Variants in DUSP18 observed in about 807,000 individuals in gnomAD.
The protein encoded by DUSP18 is dual specificity phosphatase 18, also known as dual specificity protein phosphatase 18.
DUSP18 carries 4 observed loss-of-function variants against 6.3 expected under a neutral mutation model. The observed-to-expected ratio is 0.63, with a 90% CI of 0.31 to 1.45. The LOEUF is 1.45. Among genes scored for constraint, DUSP18 ranks in the 40% most tolerant of loss-of-function variants. The pLI is 0.07. For missense variants in DUSP18, 235 were observed against 247.7 expected (o/e 0.95, Z 0.34); for synonymous variants, 96 against 95.1 (o/e 1.01, Z -0.05).
chr22:30,662,636 G>C lies in DUSP18; in HGVS notation c.*801C>G, dbSNP rs1005805888. 1 of 152,048 alleles carries C rather than the reference G, an allele frequency of 6.6e-6. No individual in the cohort carries two copies. Among genetic ancestry groups the C allele is most frequent in the Admixed American group, 6.6e-5 (1 of 15,258 alleles). The allele number at this position is 152,048 out of a possible 1,614,324, so 9.4% of individuals were successfully genotyped here. A position where few individuals can be genotyped will look rare whatever the true frequency, so the allele number is the denominator to read the frequency against. On this transcript the variant is annotated 3_prime_UTR_variant, in exon 2 of 2. Coordinates refer to ENST00000334679, the MANE Select transcript of DUSP18 (RefSeq NM_152511.5). Reference sequence around the variant, plus strand: ...GAGGCCAGGAGTTTGAGACCAGTCTGGGCGACATAGTAAAATCTCATCTCT... The same window carrying C: ...GAGGCCAGGAGTTTGAGACCAGTCTCGGCGACATAGTAAAATCTCATCTCT...
downstream of DUSP18, among the ~76,000 whole-genome samples, chr22:30,657,841 T>C (rs2088373386): frequency 6.6e-6 from 1 of 150,674 alleles, no homozygotes; most frequent in Non-Finnish European, 1.5e-5. Flanking sequence ...GAGGCGGAGC[T>C]TGCAGTGAGC....
chr22:30,662,362 T>G lies in DUSP18; in HGVS notation c.*1075A>C, dbSNP rs1291758241. ...ACAGGGCTGGGCCTTGGTCCGAAGC[T>G]CCAGCCTTCCAAGCCAAGGCCTGTG... On this transcript the variant is annotated 3_prime_UTR_variant, in exon 2 of 2. Transcript: ENST00000334679. 3 of 152,168 alleles carry G rather than the reference T, an allele frequency of 2.0e-5. No homozygotes were observed. The highest frequency in any genetic ancestry group is 4.4e-5 in the Non-Finnish European group (3 of 68,040). The allele number at this position is 152,168 out of a possible 1,614,324, so 9.4% of individuals were successfully genotyped here. A position where few individuals can be genotyped will look rare whatever the true frequency, so the allele number is the denominator to read the frequency against.
chr22:30,659,898 A>G (rs2088424460), downstream of DUSP18, among the ~76,000 whole-genome samples: 1 of 152,230 alleles, frequency 6.6e-6, no homozygotes, highest in Non-Finnish European at 1.5e-5. Context: ...AGAAGTATTT[A>G]AAGTGTGAGA....
chr22:30,660,753 A>G (rs1001330204), downstream of DUSP18, among the ~76,000 whole-genome samples: 9 of 152,314 alleles, frequency 5.9e-5, no homozygotes, highest in South Asian at 1.0e-3. Context: ...CAGCTGGGGA[A>G]AAATAAAGCA....
intron 1 of DUSP18, chr22:30,666,760 G>A (rs1397102322): frequency 1.3e-5 from 2 of 151,868 alleles, no homozygotes; most frequent in Admixed American, 6.6e-5. Flanking sequence ...ATAGTAAACA[G>A]GCAATTACAG....
chr22:30,655,235 G>A (rs1289416174), intron 2 of DUSP18, among the ~76,000 whole-genome samples: 1 of 151,474 alleles, frequency 6.6e-6, no homozygotes, highest in Non-Finnish European at 1.5e-5. Context: ...AAAGGTGGAT[G>A]GCTAGAGCCC....
chr22:30,667,355 G>A (rs1446839532), intron 1 of DUSP18, 107 bp downstream of exon 1: 1 of 152,244 alleles, frequency 6.6e-6, no homozygotes, highest in African/African-American at 2.4e-5. Flanking sequence ...AAGAGTTAAC[G>A]AGAGCGAAGC....
At chr22:30,654,081 G>A (rs191321874) in intron 2 of DUSP18, 2,092 of 190,426 alleles carry the variant, frequency 0.011, 32 homozygotes, top group South Asian at 0.033. Flanking sequence ...ACGGGTTCAC[G>A]CCATTCTCCT....
At position 30,663,857 on chromosome 22, in the gene DUSP18, G is replaced by C; in HGVS notation, c.147C>G (p.Val49=). The change falls in exon 2 of 2, where the codon GTC becomes GTG. Residue 49 remains valine (V), a synonymous_variant. Coordinates refer to ENST00000334679, the MANE Select transcript of DUSP18 (RefSeq NM_152511.5). ...TCACTACCTCCACTGAGACATTGAT[G>C]ACCATGGTGATCTGGTTGCTAGACA... ...LMLSSNQITM[V]INVSVEVVNT... is the part of the protein sequence containing the mutation. The C allele has an allele frequency of 6.2e-7, 1 of 1,614,180 alleles. No homozygotes were observed. The highest frequency in any genetic ancestry group is 8.5e-7 in the Non-Finnish European group (1 of 1,180,038).
Position 30,664,016 on chromosome 22 carries a change from T to C in DUSP18, c.-13A>G, listed in dbSNP as rs776739722. 3.7e-6 allele frequency: 6 copies of C among 1,606,378 alleles called. No homozygotes were observed. The South Asian group carries it at 6.6e-5, about 18-fold the overall frequency. ...AGGGTGCTGTCATCAAGGCGGTGGG[T>C]CAGTGGTCAGCAGTCAGCGAAGCAC... On this transcript the variant is annotated 5_prime_UTR_variant, in exon 2 of 2. Coordinates refer to ENST00000334679, the MANE Select transcript of DUSP18 (RefSeq NM_152511.5).
chr22:30,663,984 G>A lies in DUSP18; in HGVS notation c.20C>T (p.Ala7Val), dbSNP rs558283667. MTAPSC[A>V]FPVQFRQPSV... ...GGGCTGCCGGAACTGAACTGGGAAGGCACACGAGGGTGCTGTCATCAAGGC... is the reference window on the plus strand; with the variant it reads ...GGGCTGCCGGAACTGAACTGGGAAGACACACGAGGGTGCTGTCATCAAGGC... Residue 7 changes from alanine to valine, a missense_variant, in exon 2 of 2, where the codon GCC (alanine) becomes GTC (valine). By Grantham distance (64) the Ala-to-Val change is moderately conservative. Transcript: ENST00000334679. The A allele has an allele frequency of 1.9e-6, 3 of 1,613,286 alleles. No homozygotes were observed. Among genetic ancestry groups the A allele is most frequent in the Non-Finnish European group, 1.7e-6 (2 of 1,179,366 alleles).
chr22:30,664,206 C>T (rs4820893), intron 1 of DUSP18, 126 bp from the exon 2 acceptor site: 529,307 of 583,972 alleles, frequency 0.91, 240,403 homozygotes, highest in East Asian at 1. Context: ...CACAGCAGAA[C>T]TACCCAGCAA....
At chr22:30,658,503 G>GAT (rs1219849385), downstream of DUSP18, among the ~76,000 whole-genome samples, 1 of 151,902 alleles carries the variant, frequency 6.6e-6, no homozygotes, top group Non-Finnish European at 1.5e-5. Flanking sequence ...AAGTAGAAGA[G>GAT]GGGAATCTCC....
rs763220176 is a variant in DUSP18, at chr22:30,663,835, C to A, written c.169G>T (p.Val57Leu). The A allele has an allele frequency of 2.8e-5, 45 of 1,614,114 alleles. No individual in the cohort carries two copies. The South Asian group carries it at 4.8e-4, about 17-fold the overall frequency. Reference protein sequence around the residue: ...TMVINVSVEVVNTLYEDIQYM... With the variant: ...TMVINVSVEVLNTLYEDIQYM... ...TGGATATCCTCATACAAGGTGTTCA[C>A]TACCTCCACTGAGACATTGATGACC... Residue 57 changes from valine to leucine, a missense_variant, in exon 2 of 2, where the codon GTG becomes TTG. Transcript: ENST00000334679.
chr22:30,657,097 G>A (rs2088352697), downstream of DUSP18, among the ~76,000 whole-genome samples: 1 of 152,146 alleles, frequency 6.6e-6, no homozygotes, highest in African/African-American at 2.4e-5. Context: ...GGATATTGTG[G>A]CTGGACCATA....
intron 1 of DUSP18, chr22:30,665,539 C>G (rs1361802179): frequency 2.1e-6 from 1 of 470,854 alleles, no homozygotes; most frequent in African/African-American, 2.0e-5. Flanking sequence ...GTCTGAGGAG[C>G]CTTAAGATAT....
At position 30,662,280 on chromosome 22, in the gene DUSP18, T is replaced by C. The variant is rs1285614918; in HGVS notation, c.*1157A>G. 1 of 152,176 alleles carries C rather than the reference T, an allele frequency of 6.6e-6. No individual in the cohort carries two copies. The highest frequency in any genetic ancestry group is 1.5e-5 in the Non-Finnish European group (1 of 68,054). 9.4% of individuals were successfully genotyped at this position (152,176 alleles called of 1,614,324 possible). On this transcript the variant is annotated 3_prime_UTR_variant, in exon 2 of 2. Coordinates refer to ENST00000334679, the MANE Select transcript of DUSP18 (RefSeq NM_152511.5). ...TAACTCTGTGAGAAAAGGGCTGTCA[T>C]TGGACAGATGAGGACACTGATGCTC...
intron 2 of DUSP18, among the ~76,000 whole-genome samples, chr22:30,652,988 GT>G (rs2145589622): frequency 6.6e-6 from 1 of 152,342 alleles, no homozygotes; most frequent in African/African-American, 2.4e-5. Context: ...GATTGAGGAC[GT>G]GAGGACATAA....
intron 2 of DUSP18, among the ~76,000 whole-genome samples, chr22:30,655,493 GT>G (rs1157293394): frequency 4.0e-5 from 6 of 149,982 alleles, no homozygotes; most frequent in African/African-American, 1.5e-4. Context: ...GCATAGCTCA[GT>G]CAACAAAATA....
Sources: gnomAD v4.1 joint callset for allele counts (sites outside exome capture counted in the v4.1 genomes callset) on GRCh38, gnomAD v4.1.1 for gene constraint, MANE v1.5 for transcripts, NCBI Gene and HGNC (gene_info 2026-07-23, HGNC 2026-07-21) for gene names.